The following CACNA1B variants were observed in gnomAD, a reference collection of about 807,000 sequenced individuals.
The protein encoded by CACNA1B is calcium voltage-gated channel subunit alpha1 B, also known as voltage-dependent N-type calcium channel subunit alpha-1B.
CACNA1B carries 70 observed loss-of-function variants against 247.2 expected under a neutral mutation model. The ratio of observed to expected loss-of-function variants is 0.28; its 90% CI spans 0.23 to 0.35. The LOEUF is 0.35. Among genes scored for constraint, CACNA1B ranks in the 10% least tolerant of loss-of-function variants. CACNA1B has a pLI of 1.00. For missense variants in CACNA1B, 2,367 were observed against 3,197.4 expected, an observed-to-expected ratio of 0.74 and a Z score of 6.26; for synonymous variants, 1,231 against 1,294.4, an observed-to-expected ratio of 0.95 and a Z score of 1.05.
chr9:138,092,305 G>A (rs1960905176), intron 36 of CACNA1B, among the ~76,000 whole-genome samples: 1 of 152,172 alleles, frequency 6.6e-6, no homozygotes, highest in East Asian at 1.9e-4. Flanking sequence ...AACCACATAA[G>A]GCACACAATC....
In CACNA1B at chr9:138,037,681, A is replaced by AG. The variant is rs1192649661; in HGVS notation, c.3287-6093_3287-6092insG. On this transcript the variant is annotated intron_variant, in intron 20 of 46. Transcript: ENST00000371372. ...CTCAAAAAAAACAAACAAAAAAAAA[A>AG]AGAGAGAAAAAATCCAGTTCCCTTC... Among the ~76,000 whole-genome samples the AG allele has an allele frequency of 3.8e-4, 58 of 152,172 alleles. 1 individual carries two copies. The highest frequency in any genetic ancestry group is 1.3e-3 in the African/African-American group (55 of 41,518).
At chr9:138,006,951 A>C in intron 16 of CACNA1B, 67 bp downstream of exon 16, 2 of 804,026 alleles carry the variant, frequency 2.5e-6, no homozygotes, top group Non-Finnish European at 4.3e-6. Context: ...CATGGCCACC[A>C]CGCGGATCCC....
intron 6 of CACNA1B, among the ~76,000 whole-genome samples, chr9:137,931,294 G>C (rs536920909): frequency 1.4e-4 from 21 of 152,298 alleles, no homozygotes; most frequent in African/African-American, 4.6e-4. Context: ...ATACTCTCTA[G>C]AGGTTTCCCA....
chr9:138,070,375 G>C (rs1960082153), intron 32 of CACNA1B, among the ~76,000 whole-genome samples: 1 of 152,208 alleles, frequency 6.6e-6, no homozygotes. Context: ...AGAAGAAGGG[G>C]GCTCTGCCCC....
intron 3 of CACNA1B, among the ~76,000 whole-genome samples, chr9:137,895,146 C>T (rs1957158766): frequency 6.6e-6 from 1 of 152,202 alleles, no homozygotes; most frequent in Non-Finnish European, 1.5e-5. Flanking sequence ...TATCAAAAAC[C>T]AACTGGGCGT....
At chr9:137,879,617 A>T (rs553367656) in intron 2 of CACNA1B, among the ~76,000 whole-genome samples, 1 of 151,126 alleles carries the variant, frequency 6.6e-6, no homozygotes, top group Non-Finnish European at 1.5e-5. Context: ...CCTGCTTGGA[A>T]CCTCTTCTCC....
chr9:137,910,832 T>A (rs754781578), intron 3 of CACNA1B, among the ~76,000 whole-genome samples: 2 of 152,214 alleles, frequency 1.3e-5, no homozygotes, highest in Non-Finnish European at 2.9e-5. Context: ...AGTACTGGTC[T>A]GTGGCCTGAG....
chr9:137,906,623 C>T (rs187395497), intron 3 of CACNA1B, among the ~76,000 whole-genome samples: 1 of 150,348 alleles, frequency 6.7e-6, no homozygotes, highest in Admixed American at 6.6e-5. Context: ...ATACATGTTC[C>T]CCTGTATGCC....
intron 20 of CACNA1B, among the ~76,000 whole-genome samples, chr9:138,025,398 A>C (rs935293338): frequency 1.3e-5 from 2 of 152,198 alleles, no homozygotes; most frequent in African/African-American, 2.4e-5. Context: ...CTTCCTTCCC[A>C]AAATATTTGC....
intron 34 of CACNA1B, among the ~76,000 whole-genome samples, chr9:138,075,128 C>T (rs1253162287): frequency 4.6e-5 from 7 of 152,128 alleles, no homozygotes; most frequent in Non-Finnish European, 8.8e-5. Flanking sequence ...TCGAAGGTGC[C>T]GGTGTTTCAA....
chr9:137,984,875 G>A (rs144590138), intron 13 of CACNA1B, among the ~76,000 whole-genome samples: 144 of 152,372 alleles, frequency 9.5e-4, no homozygotes, highest in African/African-American at 3.4e-3. Flanking sequence ...GACAGATGCA[G>A]GTAGTGAGAG....
chr9:137,900,221 G>T (rs569818390), intron 3 of CACNA1B, among the ~76,000 whole-genome samples: 2 of 152,284 alleles, frequency 1.3e-5, no homozygotes, highest in African/African-American at 4.8e-5. Context: ...GTGCCCCCCT[G>T]GTCCAGGTGG....
At chr9:138,000,333 C>G (rs988851271) in intron 15 of CACNA1B, among the ~76,000 whole-genome samples, 3 of 151,938 alleles carry the variant, frequency 2.0e-5, no homozygotes, top group Non-Finnish European at 4.4e-5. Context: ...CTCCTGACCT[C>G]GTGATCAGCC....
At chr9:138,065,427 A>G (rs1343357149) in intron 31 of CACNA1B, among the ~76,000 whole-genome samples, 1 of 152,210 alleles carries the variant, frequency 6.6e-6, no homozygotes, top group African/African-American at 2.4e-5. Flanking sequence ...AGACTCCTGC[A>G]GGTATTCAGG....
intron 6 of CACNA1B, among the ~76,000 whole-genome samples, chr9:137,942,613 T>C (rs1362932775): frequency 1.3e-5 from 2 of 152,096 alleles, no homozygotes; most frequent in African/African-American, 4.8e-5. Flanking sequence ...AACTGTGATA[T>C]ATATATGATG....
chr9:138,009,550 T>C (rs1477768035), intron 16 of CACNA1B, among the ~76,000 whole-genome samples: 1 of 152,112 alleles, frequency 6.6e-6, no homozygotes, highest in Non-Finnish European at 1.5e-5. Flanking sequence ...CAGAAGGCAG[T>C]GGAGCCCCAC....
intron 10 of CACNA1B, among the ~76,000 whole-genome samples, chr9:137,966,923 G>T (rs2133358969): frequency 6.6e-6 from 1 of 151,214 alleles, no homozygotes; most frequent in South Asian, 2.1e-4. Flanking sequence ...CTGAGTAGCT[G>T]GGACTATAGG....
chr9:138,120,889 G>A lies in CACNA1B; in HGVS notation c.6489+8G>A, dbSNP rs2131374637. 3 of 1,560,462 alleles carry A rather than the reference G, an allele frequency of 1.9e-6. No homozygotes were observed. Among genetic ancestry groups the A allele is most frequent in the East Asian group, 2.4e-5 (1 of 41,592 alleles). On this transcript the variant is annotated splice_region_variant and intron_variant, in intron 46 of 46. Coordinates refer to ENST00000371372, the MANE Select transcript of CACNA1B (RefSeq NM_000718.4). ...CCGGGACCCCACCCACAGGTAAGAG[G>A]AATAGGTGGAGAGGTCAGGGCCCAG... is the stretch of plus-strand genomic sequence containing the variant.
chr9:137,920,827 A>G (rs781601105), intron 6 of CACNA1B, among the ~76,000 whole-genome samples: 1 of 152,258 alleles, frequency 6.6e-6, no homozygotes, highest in African/African-American at 2.4e-5. Context: ...AGAAGTCTCA[A>G]CGATGATGTG....
Sources: gnomAD v4.1 joint callset for allele counts (sites outside exome capture counted in the v4.1 genomes callset) on GRCh38, gnomAD v4.1.1 for gene constraint, MANE v1.5 for transcripts, NCBI Gene and HGNC (gene_info 2026-07-23, HGNC 2026-07-21) for gene names.